PCDH15: variants seen among roughly 807,000 people sequenced by gnomAD.
The protein encoded by PCDH15 is protocadherin related 15, also known as protocadherin-15.
A neutral mutation model predicts 178.5 loss-of-function variants in PCDH15; 129 were observed. That is an observed-to-expected ratio of 0.72 (90% CI 0.63 to 0.84). PCDH15 has a LOEUF of 0.84. Among genes scored for constraint, PCDH15 ranks in the 40% least tolerant of loss-of-function variants. The probability of loss-of-function intolerance (pLI) is 0.00; values close to 1 mark genes in which losing one functional copy is unlikely to be tolerated. For synonymous variants in PCDH15, 800 were observed against 732.0 expected, an observed-to-expected ratio of 1.09 and a Z score of -1.50; for missense variants, 2,230 against 2,099.9, an observed-to-expected ratio of 1.06 and a Z score of -1.21.
chr10:54,000,323 C>T (rs973333635), intron 20 of PCDH15, among the ~76,000 whole-genome samples: 2 of 151,970 alleles, frequency 1.3e-5, no homozygotes, highest in Non-Finnish European at 2.9e-5. Flanking sequence ...CATGAAGTCA[C>T]CAAATGAACT....
At position 55,011,948 on chromosome 10, in the gene PCDH15, C is replaced by T. The variant is rs570429912; in HGVS notation, c.-79-114448G>A. ...AAATCAATTTTCAATGCCTCCAGAA[C>T]ATCCAAACAATACTAAATCTTTTGG... is the stretch of plus-strand genomic sequence containing the variant. On this transcript the variant is annotated intron_variant, in intron 2 of 5. Transcript: ENST00000458638. Among the ~76,000 whole-genome samples the T allele has an allele frequency of 4.6e-5, 7 of 152,186 alleles. No homozygotes were observed. In the East Asian group the frequency reaches 7.7e-4, roughly 17 times the overall value.
At chr10:55,482,986 A>G (rs1840214745) in intron 2 of PCDH15, among the ~76,000 whole-genome samples, 1 of 151,774 alleles carries the variant, frequency 6.6e-6, no homozygotes, top group Admixed American at 6.6e-5. Context: ...CAGAGCAATG[A>G]AAATGGACCC....
Position 54,756,056 on chromosome 10 carries a change from A to ACACACACACACACAC in PCDH15, c.-29+44868_-29+44869insGTGTGTGTGTGTGTG, listed in dbSNP as rs1947047019. On this transcript the variant is annotated intron_variant, in intron 1 of 37. Coordinates refer to ENST00000644397, the MANE Select transcript of PCDH15 (RefSeq NM_001384140.1). Reference sequence around the variant, plus strand: ...TGGTGAAACCCCCGTCTCTACTAAAAACACACACACACACACACACACACA... The same window carrying ACACACACACACACAC: ...TGGTGAAACCCCCGTCTCTACTAAAACACACACACACACACACACACACACACACACACACACACA... Among the ~76,000 whole-genome samples, 53 of 71,732 alleles carry ACACACACACACACAC rather than the reference A, an allele frequency of 7.4e-4. 1 individual carries two copies. The highest frequency in any genetic ancestry group is 2.3e-3 in the African/African-American group (52 of 22,746). The allele number at this position is 71,732 out of a possible 152,430, so 47.1% of individuals were successfully genotyped here.
chr10:54,569,435 T>C (rs1291781445), intron 2 of PCDH15, among the ~76,000 whole-genome samples: 1 of 152,180 alleles, frequency 6.6e-6, no homozygotes, highest in Non-Finnish European at 1.5e-5. Flanking sequence ...ATGTCTTAGA[T>C]GTTTGTAAAA....
At chr10:55,381,794 A>G (rs1165017915) in intron 2 of PCDH15, among the ~76,000 whole-genome samples, 2 of 152,168 alleles carry the variant, frequency 1.3e-5, no homozygotes, top group Admixed American at 6.5e-5. Context: ...AAAGAAAGGA[A>G]AACAAAAGCC....
At chr10:54,166,053 A>C (rs112525441) in intron 13 of PCDH15, among the ~76,000 whole-genome samples, 62 of 152,360 alleles carry the variant, frequency 4.1e-4, no homozygotes, top group Non-Finnish European at 7.6e-4. Flanking sequence ...AAAGAAAAGC[A>C]AATCTTTGAG....
At chr10:55,538,025 T>G (rs1472260600) in intron 2 of PCDH15, among the ~76,000 whole-genome samples, 1 of 152,200 alleles carries the variant, frequency 6.6e-6, no homozygotes, top group Non-Finnish European at 1.5e-5. Flanking sequence ...CAGTTCTAAA[T>G]TAGAACTCAT....
At chr10:55,517,623 T>C (rs140887495) in intron 2 of PCDH15, among the ~76,000 whole-genome samples, 12 of 152,262 alleles carry the variant, frequency 7.9e-5, no homozygotes, top group African/African-American at 2.4e-4. Flanking sequence ...GCAACTATCA[T>C]GCGTTCCAGC....
chr10:53,983,771 A>T (rs1033036619), intron 21 of PCDH15, among the ~76,000 whole-genome samples: 3 of 152,156 alleles, frequency 2.0e-5, no homozygotes, highest in Non-Finnish European at 4.4e-5. Flanking sequence ...TAATACAAAA[A>T]ATTCATGTAG....
intron 3 of PCDH15, among the ~76,000 whole-genome samples, chr10:54,505,645 G>A (rs1019670659): frequency 1.3e-5 from 2 of 151,978 alleles, no homozygotes; most frequent in South Asian, 2.1e-4. Context: ...GGGGCCTGTC[G>A]GGGGGTCGGG....
chr10:54,602,735 T>C (rs559489505), intron 2 of PCDH15, among the ~76,000 whole-genome samples: 20 of 152,152 alleles, frequency 1.3e-4, no homozygotes, highest in African/African-American at 4.6e-4. Context: ...ATATGGTTTT[T>C]GTGTTTCATT....
At chr10:55,550,244 T>C (rs1316775392) in intron 2 of PCDH15, among the ~76,000 whole-genome samples, 1 of 152,182 alleles carries the variant, frequency 6.6e-6, no homozygotes, top group Non-Finnish European at 1.5e-5. Flanking sequence ...TTTATTCATC[T>C]ACTTTAGTGT....
chr10:53,863,687 G>C (rs1278708561), intron 27 of PCDH15, among the ~76,000 whole-genome samples: 5 of 152,126 alleles, frequency 3.3e-5, no homozygotes, highest in Non-Finnish European at 5.9e-5. Flanking sequence ...TAGAAAAAAA[G>C]CATTGTTGTG....
chr10:54,473,068 G>A lies in PCDH15; in HGVS notation c.157+54744C>T, dbSNP rs545342205. On this transcript the variant is annotated intron_variant, in intron 3 of 37. Coordinates refer to ENST00000644397, the MANE Select transcript of PCDH15 (RefSeq NM_001384140.1). ...GTGACAGATAGACCTCAGTGAGGTG[G>A]CTTTCTTTTTAATACAGAATTTTTA... Among the ~76,000 whole-genome samples the A allele has an allele frequency of 9.9e-5, 15 of 152,124 alleles. No individual in the cohort carries two copies. In the East Asian group the frequency reaches 2.5e-3, roughly 26 times the overall value.
intron 2 of PCDH15, among the ~76,000 whole-genome samples, chr10:54,903,053 T>C (rs763622527): frequency 6.6e-6 from 1 of 152,200 alleles, no homozygotes; most frequent in African/African-American, 2.4e-5. Context: ...CTTTGTTCTT[T>C]AGGTGGCCAA....
intron 2 of PCDH15, among the ~76,000 whole-genome samples, chr10:55,511,901 G>T (rs370367782): frequency 3.2e-4 from 48 of 152,112 alleles, no homozygotes; most frequent in African/African-American, 1.0e-3. Flanking sequence ...ATTGGCGATT[G>T]AAATCCCTAT....
At chr10:54,833,462 C>G (rs1448801255) in intron 3 of PCDH15, among the ~76,000 whole-genome samples, 1 of 152,158 alleles carries the variant, frequency 6.6e-6, no homozygotes, top group Non-Finnish European at 1.5e-5. Context: ...AGAACAAAGA[C>G]TAAGGTTACT....
At chr10:54,530,449 T>C (rs1199762475) in intron 2 of PCDH15, among the ~76,000 whole-genome samples, 2 of 152,182 alleles carry the variant, frequency 1.3e-5, no homozygotes, top group Admixed American at 1.3e-4. Flanking sequence ...TGTCTTTCTC[T>C]CTCACAAGAG....
chr10:54,993,231 A>G (rs969891640), intron 2 of PCDH15, among the ~76,000 whole-genome samples: 7 of 152,234 alleles, frequency 4.6e-5, no homozygotes, highest in African/African-American at 1.7e-4. Context: ...CAAACAATTA[A>G]AGACCTCAAA....
Sources: allele counts gnomAD v4.1 joint callset (sites outside exome capture counted in the v4.1 genomes callset), GRCh38; gene constraint gnomAD v4.1.1; transcripts MANE v1.5; gene names NCBI Gene and HGNC (gene_info 2026-07-23, HGNC 2026-07-21).